TECPR2: variants seen among roughly 807,000 people sequenced by gnomAD.
TECPR2 encodes tectonin beta-propeller repeat containing 2.
TECPR2 carries 65 observed loss-of-function variants against 138.1 expected under a neutral mutation model. That is an observed-to-expected ratio of 0.47 (90% CI 0.39 to 0.58). The LOEUF (loss-of-function observed/expected upper bound fraction) is 0.58. Ranked by LOEUF, TECPR2 falls within the 20% of genes least tolerant of loss-of-function variation. TECPR2 has a pLI of 0.00. For missense variants in TECPR2, 1,553 were observed against 1,824.5 expected (o/e 0.85, Z 2.71); for synonymous variants, 746 against 749.8 (o/e 0.99, Z 0.08).
At chr14:102,393,819 C>G (rs905742138) in intron 2 of TECPR2, among the ~76,000 whole-genome samples, 7 of 152,152 alleles carry the variant, frequency 4.6e-5, no homozygotes, top group Non-Finnish European at 1.0e-4. Context: ...CTCGGCCTCC[C>G]AAAGTGCTGG....
In TECPR2 at chr14:102,425,076, G is replaced by A. The variant is rs1239647993; in HGVS notation, c.736G>A (p.Asp246Asn). The A allele has an allele frequency of 1.9e-6, 3 of 1,614,152 alleles. No individual in the cohort carries two copies. The highest frequency in any genetic ancestry group is 1.6e-4 in the Middle Eastern group (1 of 6,062). ...GCCCGGGCTCCGGCTATGGAAGGCT[G>A]ATGTCCACGGGACTGTTCAAGCCAC... ...SRPGLRLWKA[D>N]VHGTVQATFI... Residue 246 changes from aspartate to asparagine, a missense_variant, in exon 6 of 20, where the codon GAT becomes AAT. Physicochemically the swap from Asp to Asn is conservative, Grantham distance 23. Coordinates refer to ENST00000359520, the MANE Select transcript of TECPR2 (RefSeq NM_014844.5).
At position 102,445,514 on chromosome 14, in the gene TECPR2, C is replaced by T. The variant is rs571240848; in HGVS notation, c.2934-292C>T. 1.4e-4 allele frequency among the ~76,000 whole-genome samples: 22 copies of T among 152,170 alleles called. No homozygotes were observed. The East Asian group carries it at 4.3e-3, about 29-fold the overall frequency. Reference sequence around the variant, plus strand: ...TGGAGGCGCTCAGGGGCCTTGGATTCCTTTTGTGCCTACTCGCTTTTTTCT... The same window carrying T: ...TGGAGGCGCTCAGGGGCCTTGGATTTCTTTTGTGCCTACTCGCTTTTTTCT... On this transcript the variant is annotated intron_variant, in intron 12 of 19. Transcript: ENST00000359520.
At chr14:102,429,917 T>C (rs1021613980) in intron 7 of TECPR2, among the ~76,000 whole-genome samples, 1 of 152,200 alleles carries the variant, frequency 6.6e-6, no homozygotes, top group African/African-American at 2.4e-5. Context: ...ACTTGCAATA[T>C]AGCAAGTGCA....
rs1889152302 is a variant in TECPR2, at chr14:102,420,593, C to G, written c.639-4386C>G. 6.6e-6 allele frequency among the ~76,000 whole-genome samples: 1 copy of G among 152,172 alleles called. No homozygotes were observed. The highest frequency in any genetic ancestry group is 1.5e-5 in the Non-Finnish European group (1 of 68,040). On this transcript the variant is annotated intron_variant, in intron 5 of 19. Coordinates refer to ENST00000359520, the MANE Select transcript of TECPR2 (RefSeq NM_014844.5). This position sits in a 1 kb window ranked among gnomAD's most constrained non-coding sequence, Gnocchi z 4.1. ...GTTCAGGCGATCCTCCTCCCTCAGC[C>G]TCCCGAGTAACTAGGACTACAGGCA...
chr14:102,426,730 G>A (rs1378094298), intron 6 of TECPR2, among the ~76,000 whole-genome samples: 1 of 152,080 alleles, frequency 6.6e-6, no homozygotes, highest in African/African-American at 2.4e-5. Context: ...ATGGTGGTGG[G>A]CGCCTGTAGT....
intron 17 of TECPR2, among the ~76,000 whole-genome samples, chr14:102,479,904 G>A (rs1194394945): frequency 6.6e-6 from 1 of 152,356 alleles, no homozygotes; most frequent in Admixed American, 6.5e-5. Flanking sequence ...GCAGTGGGGC[G>A]CAGTGCTCAG....
intron 2 of TECPR2, among the ~76,000 whole-genome samples, chr14:102,380,517 AG>A (rs549465148): frequency 1.4e-3 from 213 of 152,304 alleles, no homozygotes; most frequent in African/African-American, 4.9e-3. Context: ...CAAGAACAGG[AG>A]GGGGGAAACC....
chr14:102,365,359 G>C (rs964571149), intron 1 of TECPR2, among the ~76,000 whole-genome samples: 6 of 152,190 alleles, frequency 3.9e-5, no homozygotes, highest in Non-Finnish European at 8.8e-5. Flanking sequence ...ATTTATGAAG[G>C]CTTCCTGGTG....
intron 17 of TECPR2, among the ~76,000 whole-genome samples, chr14:102,478,220 A>T (rs1418011987): frequency 4.6e-5 from 7 of 151,686 alleles, no homozygotes; most frequent in Non-Finnish European, 8.8e-5. Context: ...GCTAATTTTT[A>T]AAAAAATTTG....
chr14:102,458,629 G>C (rs146402295), intron 16 of TECPR2, among the ~76,000 whole-genome samples: 4,145 of 152,118 alleles, frequency 0.027, 77 homozygotes, highest in Middle Eastern at 0.088. Context: ...GGCTGGTCTT[G>C]AACTCCTGCC....
At chr14:102,461,084 G>A (rs184148515) in intron 16 of TECPR2, among the ~76,000 whole-genome samples, 1 of 152,120 alleles carries the variant, frequency 6.6e-6, no homozygotes, top group East Asian at 1.9e-4. Flanking sequence ...TTAAATTAAA[G>A]GAATTCTTAA....
At chr14:102,432,183 C>T in intron 8 of TECPR2, 55 bp downstream of exon 8, 1 of 1,424,630 alleles carries the variant, frequency 7.0e-7, no homozygotes, top group Non-Finnish European at 9.2e-7. Context: ...TCCAGATTCT[C>T]TGGGAGTGCT....
Position 102,500,877 on chromosome 14 carries a change from G to A in TECPR2, c.*2620G>A, listed in dbSNP as rs1238922296. On this transcript the variant is annotated 3_prime_UTR_variant, in exon 20 of 20. Coordinates refer to ENST00000359520, the MANE Select transcript of TECPR2 (RefSeq NM_014844.5). ...TGTGCTTCTCACCAGAGCCCTGCAA[G>A]GGGAAGTCTCATTAGCCCCTTGAGA... 1.3e-5 allele frequency: 2 copies of A among 152,306 alleles called. No homozygotes were observed. The highest frequency in any genetic ancestry group is 2.9e-5 in the Non-Finnish European group (2 of 68,068). 9.4% of individuals were successfully genotyped at this position (152,306 alleles called of 1,614,324 possible).
chr14:102,450,631 G>C lies in TECPR2; in HGVS notation c.3388G>C (p.Ala1130Pro). The C allele has an allele frequency of 6.2e-7, 1 of 1,614,166 alleles. No individual in the cohort carries two copies. Among genetic ancestry groups the C allele is most frequent in the Non-Finnish European group, 8.5e-7 (1 of 1,180,008 alleles). ...ATKWAFVLAS[A>P]APTKEGSFLW... ...AAAATGGGCCTTTGTGTTGGCTTCT[G>C]CAGCTCCCACGAAGGAAGGTGGGTC... is the stretch of plus-strand genomic sequence containing the variant. The change falls in exon 15 of 20, where the codon GCA (alanine) becomes CCA (proline). Residue 1130 changes from alanine (A) to proline (P), a missense_variant. Coordinates refer to ENST00000359520, the MANE Select transcript of TECPR2 (RefSeq NM_014844.5).
At chr14:102,486,986 C>T (rs1891041564) in intron 17 of TECPR2, among the ~76,000 whole-genome samples, 1 of 152,198 alleles carries the variant, frequency 6.6e-6, no homozygotes, top group Non-Finnish European at 1.5e-5. Context: ...AATGGCCCAA[C>T]CAACCCACAC....
At chr14:102,367,978 T>G (rs1887389491) in intron 1 of TECPR2, among the ~76,000 whole-genome samples, 1 of 151,308 alleles carries the variant, frequency 6.6e-6, no homozygotes, top group Non-Finnish European at 1.5e-5. Flanking sequence ...GAACATCTTT[T>G]TATGTGCTTA....
chr14:102,448,297 T>G (rs1329457761), intron 13 of TECPR2, among the ~76,000 whole-genome samples: 1 of 152,168 alleles, frequency 6.6e-6, no homozygotes, highest in Non-Finnish European at 1.5e-5. Flanking sequence ...TTTTATGTAA[T>G]CAAACCCAGC....
At position 102,407,874 on chromosome 14, in the gene TECPR2, G is replaced by A. The variant is rs368347205; in HGVS notation, c.348+408G>A. On this transcript the variant is annotated intron_variant, in intron 3 of 19. Coordinates refer to ENST00000359520, the MANE Select transcript of TECPR2 (RefSeq NM_014844.5). ...TAGCCGGGTGTGGTGGCGGGTGCCT[G>A]TAGTCCCAGCTACTAGGGAGGCTGA... is the stretch of plus-strand genomic sequence containing the variant. 1.0e-3 allele frequency among the ~76,000 whole-genome samples: 153 copies of A among 152,334 alleles called. No individual in the cohort carries two copies. The East Asian group carries it at 0.022, about 22-fold the overall frequency.
In TECPR2 at chr14:102,461,552, C is replaced by G. The variant is rs76730165; in HGVS notation, c.3641-3589C>G. ...GAAAAAAATAAGGACAAAGCAGGGA[C>G]AGACAGGAAAATGTCAGTGTGTTTG... On this transcript the variant is annotated intron_variant, in intron 16 of 19. Transcript: ENST00000359520. Among the ~76,000 whole-genome samples, 114 of 152,336 alleles carry G rather than the reference C, an allele frequency of 7.5e-4. 4 individuals carry two copies. The East Asian group carries it at 0.018, about 24-fold the overall frequency.
Sources: allele counts gnomAD v4.1 joint callset (sites outside exome capture counted in the v4.1 genomes callset), GRCh38; gene constraint gnomAD v4.1.1; non-coding constraint Gnocchi (gnomAD v3.1); transcripts MANE v1.5; gene names NCBI Gene and HGNC (gene_info 2026-07-23, HGNC 2026-07-21).